NELL1: variants seen among roughly 807,000 people sequenced by gnomAD.
NELL1 encodes the protein protein kinase C-binding protein NELL1.
Under a neutral mutation model 107.4 loss-of-function variants are expected in NELL1, and 76 were observed. The ratio of observed to expected loss-of-function variants is 0.71; its 90% CI spans 0.59 to 0.86. The LOEUF (loss-of-function observed/expected upper bound fraction) is 0.86. NELL1 is among the 40% of genes least tolerant of loss of function. The pLI is 0.00. For synonymous variants in NELL1, 353 were observed against 341.2 expected (o/e 1.03, Z -0.38); for missense variants, 1,024 against 1,005.5 (o/e 1.02, Z -0.25).
chr11:21,066,512 T>C (rs1853874352), intron 12 of NELL1, among the ~76,000 whole-genome samples: 1 of 152,252 alleles, frequency 6.6e-6, no homozygotes, highest in Non-Finnish European at 1.5e-5. Context: ...CTGCGTACTT[T>C]GGGCAAGTTA....
intron 2 of NELL1, among the ~76,000 whole-genome samples, chr11:20,703,320 T>C (rs910289171): frequency 6.6e-6 from 1 of 152,224 alleles, no homozygotes; most frequent in Admixed American, 6.5e-5. Flanking sequence ...GATGGTAGTT[T>C]GTATTTCTGT....
At chr11:20,687,538 G>A (rs11025696) in intron 2 of NELL1, among the ~76,000 whole-genome samples, 19,164 of 151,628 alleles carry the variant, frequency 0.13, 1,285 homozygotes, top group African/African-American at 0.15. Context: ...ATATTAGGAA[G>A]ATAATGTTAA....
At chr11:20,966,295 ACTGGCCTTTTTATATGAGGGCAGAG>A (rs1253432929) in intron 12 of NELL1, among the ~76,000 whole-genome samples, 2 of 152,116 alleles carry the variant, frequency 1.3e-5, no homozygotes, top group Non-Finnish European at 2.9e-5. Context: ...AGGGGGCAGA[ACTGGCCTTTTTATATGAGGGCAGAG>A]CCATCATGTC....
chr11:20,814,972 A>G (rs114566189), intron 3 of NELL1, among the ~76,000 whole-genome samples: 2,730 of 152,100 alleles, frequency 0.018, 99 homozygotes, highest in African/African-American at 0.063. Context: ...GCCAGCATCT[A>G]TTATTTTTTT....
At chr11:20,966,561 A>C (rs1851390838) in intron 12 of NELL1, among the ~76,000 whole-genome samples, 1 of 152,184 alleles carries the variant, frequency 6.6e-6, no homozygotes, top group South Asian at 2.1e-4. Context: ...CTGTTTTCTC[A>C]TTAGCCTGCC....
intron 13 of NELL1, among the ~76,000 whole-genome samples, chr11:21,192,880 G>A (rs976242404): frequency 1.4e-4 from 21 of 151,856 alleles, no homozygotes; most frequent in Non-Finnish European, 2.6e-4. Context: ...CACAAAATGT[G>A]CTCATCCATT....
Position 21,370,871 on chromosome 11 carries a change from G to A in NELL1, c.1568G>A (p.Cys523Tyr). 6.2e-7 allele frequency: 1 copy of A among 1,611,830 alleles called. No individual in the cohort carries two copies. Among genetic ancestry groups the A allele is most frequent in the Non-Finnish European group, 8.5e-7 (1 of 1,178,802 alleles). The change falls in exon 15 of 20, where the codon TGC becomes TAC. Residue 523 changes from cysteine to tyrosine, a missense_variant. Physicochemically the swap from Cys to Tyr is radical, Grantham distance 194 (BLOSUM62 -2). Transcript: ENST00000357134. The part of the protein sequence containing the change: ...TICRAFCEEG[C>Y]RYGGTCVAPN... ...GCAACAGCTTTCTGTGAAGAGGGCT[G>A]CAGATACGGTGGAACGTGTGTGGCT...
At chr11:21,048,721 C>G (rs1471273962) in intron 12 of NELL1, among the ~76,000 whole-genome samples, 4 of 152,174 alleles carry the variant, frequency 2.6e-5, no homozygotes, top group Non-Finnish European at 4.4e-5. Context: ...GATTCTTAGG[C>G]TCTCACTTCC....
chr11:20,691,412 C>T (rs1485893539), intron 2 of NELL1, among the ~76,000 whole-genome samples: 3 of 151,564 alleles, frequency 2.0e-5, no homozygotes, highest in Non-Finnish European at 2.9e-5. Flanking sequence ...ATGATATTGG[C>T]TGTGGGTTTG....
At chr11:20,846,601 A>C (rs889757706) in intron 3 of NELL1, among the ~76,000 whole-genome samples, 6 of 152,214 alleles carry the variant, frequency 3.9e-5, no homozygotes, top group Admixed American at 3.9e-4. Context: ...AAACTGGCAG[A>C]AAGTGCATAC....
At chr11:21,053,391 T>A (rs1165688625) in intron 12 of NELL1, among the ~76,000 whole-genome samples, 2 of 152,112 alleles carry the variant, frequency 1.3e-5, no homozygotes, top group Non-Finnish European at 2.9e-5. Flanking sequence ...TGTTCTTGTG[T>A]TAGTTTGCTG....
chr11:21,222,545 T>C (rs1034539987), intron 13 of NELL1, among the ~76,000 whole-genome samples: 1 of 152,138 alleles, frequency 6.6e-6, no homozygotes, highest in Admixed American at 6.5e-5. Flanking sequence ...TGCTCTGATC[T>C]TTATTATTTC....
At chr11:21,428,140 T>C (rs61885550) in intron 15 of NELL1, among the ~76,000 whole-genome samples, 1,633 of 152,214 alleles carry the variant, frequency 0.011, 13 homozygotes, top group Non-Finnish European at 0.018. Context: ...CAGCTGGCTG[T>C]GGACAGATTT....
At chr11:21,009,248 A>T (rs192125168) in intron 12 of NELL1, among the ~76,000 whole-genome samples, 2 of 152,234 alleles carry the variant, frequency 1.3e-5, no homozygotes, top group East Asian at 3.9e-4. Context: ...GTTGTTTCAC[A>T]TCAACTTCTA....
At chr11:20,678,923 A>T (rs947455744) in intron 2 of NELL1, among the ~76,000 whole-genome samples, 9 of 152,204 alleles carry the variant, frequency 5.9e-5, no homozygotes, top group Non-Finnish European at 1.2e-4. Context: ...ACAGATACTT[A>T]AAAAATGGAT....
chr11:21,322,574 T>C (rs1156350713), intron 14 of NELL1, among the ~76,000 whole-genome samples: 1 of 152,178 alleles, frequency 6.6e-6, no homozygotes, highest in Non-Finnish European at 1.5e-5. Flanking sequence ...ATTACTTATA[T>C]ACTCTGAAAT....
At chr11:20,828,622 C>G (rs1280155709) in intron 3 of NELL1, among the ~76,000 whole-genome samples, 1 of 152,180 alleles carries the variant, frequency 6.6e-6, no homozygotes, top group African/African-American at 2.4e-5. Flanking sequence ...CTACTATATT[C>G]TGACTTCTGC....
At chr11:21,156,223 T>A (rs998875129) in intron 13 of NELL1, among the ~76,000 whole-genome samples, 1 of 152,002 alleles carries the variant, frequency 6.6e-6, no homozygotes, top group Admixed American at 6.6e-5. Flanking sequence ...GGAAGGAAAT[T>A]TTTTTTTAAA....
At chr11:21,278,679 G>A (rs1393348930) in intron 14 of NELL1, among the ~76,000 whole-genome samples, 1 of 152,104 alleles carries the variant, frequency 6.6e-6, no homozygotes, top group Non-Finnish European at 1.5e-5. Flanking sequence ...TGGATAGGAA[G>A]ACTCAATATT....
Sources: allele counts gnomAD v4.1 joint callset (sites outside exome capture counted in the v4.1 genomes callset), GRCh38; gene constraint gnomAD v4.1.1; transcripts MANE v1.5; gene names NCBI Gene and HGNC (gene_info 2026-07-23, HGNC 2026-07-21).